ZMYM1: variants seen among roughly 807,000 people sequenced by gnomAD.
ZMYM1 encodes zinc finger MYM-type protein 1.
Under a neutral mutation model 60.0 loss-of-function variants are expected in ZMYM1, and 39 were observed. The ratio of observed to expected loss-of-function variants is 0.65; its 90% CI spans 0.50 to 0.85. The LOEUF is 0.85. ZMYM1 is among the 40% of genes least tolerant of loss of function. The pLI, the probability that ZMYM1 is intolerant of heterozygous loss-of-function variation, is 0.00. For missense variants in ZMYM1, 1,171 were observed against 1,309.5 expected, an observed-to-expected ratio of 0.89 and a Z score of 1.63; for synonymous variants, 413 against 454.0, an observed-to-expected ratio of 0.91 and a Z score of 1.15.
chr1:35,101,265 T>C (rs1389525315), intron 4 of ZMYM1, among the ~76,000 whole-genome samples: 4 of 151,412 alleles, frequency 2.6e-5, no homozygotes, highest in East Asian at 3.9e-4. Flanking sequence ...CCTATCACCA[T>C]GCCCCGTTAA....
intron 1 of ZMYM1, among the ~76,000 whole-genome samples, chr1:35,092,218 G>T (rs575504301): frequency 6.6e-6 from 1 of 150,756 alleles, no homozygotes; most frequent in African/African-American, 2.4e-5. Flanking sequence ...GAGCCACTGC[G>T]CCCGGCCAAA....
chr1:35,110,830 AG>A (rs1644063390), intron 7 of ZMYM1, among the ~76,000 whole-genome samples: 1 of 152,108 alleles, frequency 6.6e-6, no homozygotes, highest in Admixed American at 6.6e-5. Context: ...GCTACTTAGG[AG>A]GCTGAGACAG....
chr1:35,106,850 G>C (rs1643905743), intron 6 of ZMYM1, among the ~76,000 whole-genome samples: 1 of 150,774 alleles, frequency 6.6e-6, no homozygotes, highest in South Asian at 2.1e-4. Flanking sequence ...TGTTGTTGTT[G>C]TTGTTGTTGT....
At chr1:35,062,527 C>T (rs943542031) in intron 1 of ZMYM1, among the ~76,000 whole-genome samples, 4 of 152,170 alleles carry the variant, frequency 2.6e-5, no homozygotes, top group Non-Finnish European at 5.9e-5. Flanking sequence ...TTTGAATTCC[C>T]AGTAGTACAG....
chr1:35,064,692 T>A (rs1040707551), intron 1 of ZMYM1, among the ~76,000 whole-genome samples: 1 of 145,596 alleles, frequency 6.9e-6, no homozygotes, highest in East Asian at 2.0e-4. Flanking sequence ...ATTTCTTTTT[T>A]TTTTTTTTTT....
chr1:35,064,693 T>C (rs974419312), intron 1 of ZMYM1, among the ~76,000 whole-genome samples: 2 of 145,876 alleles, frequency 1.4e-5, no homozygotes, highest in African/African-American at 2.5e-5. Context: ...TTTCTTTTTT[T>C]TTTTTTTTTT....
chr1:35,115,914 A>T (rs1366162071), downstream of ZMYM1: 1 of 152,116 alleles, frequency 6.6e-6, no homozygotes, highest in Non-Finnish European at 1.5e-5. Flanking sequence ...ATCTCAGTAG[A>T]ATTTTGTATA....
In ZMYM1 at chr1:35,093,927, G is replaced by C; in HGVS notation, c.-61G>C. On this transcript the variant is annotated 5_prime_UTR_variant, in exon 2 of 10. Transcript: ENST00000359858. ...ATTTTATTTTAGGAATCTGGAAACT[G>C]TTCTTCAGGAAGAAACCCATTAGTT... 8.4e-7 allele frequency: 1 copy of C among 1,195,744 alleles called. No individual in the cohort carries two copies. Among genetic ancestry groups the C allele is most frequent in the Non-Finnish European group, 1.2e-6 (1 of 848,358 alleles). 74.1% of individuals were successfully genotyped at this position (1,195,744 alleles called of 1,614,324 possible). A position where few individuals can be genotyped will look rare whatever the true frequency, so the allele number is the denominator to read the frequency against.
chr1:35,090,734 G>A (rs1408125516), intron 1 of ZMYM1, among the ~76,000 whole-genome samples: 1 of 152,108 alleles, frequency 6.6e-6, no homozygotes, highest in Non-Finnish European at 1.5e-5. Flanking sequence ...ATCACCTGAG[G>A]TTGGGAGTTC....
At chr1:35,116,835 A>ATTTTTTTTTT (rs10671957), downstream of ZMYM1, among the ~76,000 whole-genome samples, 13 of 88,966 alleles carry the variant, frequency 1.5e-4, 2 homozygotes, top group African/African-American at 5.0e-4. Flanking sequence ...TAGGCCTGGA[A>ATTTTTTTTTT]TTTTTTTTTT....
intron 6 of ZMYM1, among the ~76,000 whole-genome samples, chr1:35,105,603 A>T (rs903343117): frequency 6.6e-6 from 1 of 151,708 alleles, no homozygotes; most frequent in Non-Finnish European, 1.5e-5. Context: ...CCAGCTATTT[A>T]TTTTTTTTAT....
Position 35,115,359 on chromosome 1 carries a change from T to G in ZMYM1, c.*100T>G, listed in dbSNP as rs1257739371. Reference sequence around the variant, plus strand: ...TCAAAAGACACAGAACGATAAACAGTGAAGTCTCCTTCCCTCCTTTAGAAC... The same window carrying G: ...TCAAAAGACACAGAACGATAAACAGGGAAGTCTCCTTCCCTCCTTTAGAAC... On this transcript the variant is annotated 3_prime_UTR_variant, in exon 10 of 10. Transcript: ENST00000359858. 9.0e-6 allele frequency: 12 copies of G among 1,326,070 alleles called. No homozygotes were observed. Among genetic ancestry groups the G allele is most frequent in the Middle Eastern group, 2.7e-4 (1 of 3,754 alleles). The allele number at this position is 1,326,070 out of a possible 1,614,324, so 82.1% of individuals were successfully genotyped here.
At chr1:35,070,539 G>A (rs1347381521) in intron 1 of ZMYM1, among the ~76,000 whole-genome samples, 1 of 152,062 alleles carries the variant, frequency 6.6e-6, no homozygotes, top group African/African-American at 2.4e-5. Context: ...AAAACATTAT[G>A]CTGTCTTCAA....
intron 7 of ZMYM1, among the ~76,000 whole-genome samples, chr1:35,110,901 TC>T (rs1451313518): frequency 6.6e-6 from 1 of 152,076 alleles, no homozygotes; most frequent in Non-Finnish European, 1.5e-5. Context: ...ACCATTGCAC[TC>T]CAGTCTGGGT....
chr1:35,113,372 A>G lies in ZMYM1; in HGVS notation c.1542A>G (p.Glu514=), dbSNP rs1374319340. ...CCCTGGAAAAATTCAGAAAGCATGAAAAAAGTGAAATGCATTTGAAGTCAT... is the reference window on the plus strand; with the variant it reads ...CCCTGGAAAAATTCAGAAAGCATGAGAAAAGTGAAATGCATTTGAAGTCAT... ...KKTLEKFRKH[E]KSEMHLKSLE... The change falls in exon 10 of 10, where the codon GAA becomes GAG. Residue 514 remains glutamate (E), a synonymous_variant. Transcript: ENST00000359858. 2 of 1,613,606 alleles carry G rather than the reference A, an allele frequency of 1.2e-6. No individual in the cohort carries two copies. The highest frequency in any genetic ancestry group is 1.7e-6 in the Non-Finnish European group (2 of 1,179,892).
At chr1:35,072,234 C>CA (rs1255069202) in intron 1 of ZMYM1, among the ~76,000 whole-genome samples, 2 of 152,168 alleles carry the variant, frequency 1.3e-5, no homozygotes, top group Non-Finnish European at 2.9e-5. Flanking sequence ...ATTACAGTTT[C>CA]AATTTCCTCA....
chr1:35,116,836 T>TTC (rs1644253732), downstream of ZMYM1, among the ~76,000 whole-genome samples: 1 of 5,606 alleles, frequency 1.8e-4, no homozygotes. Context: ...AGGCCTGGAA[T>TTC]TTTTTTTTTT....
chr1:35,071,050 A>AT (rs1642058906), intron 1 of ZMYM1, among the ~76,000 whole-genome samples: 1 of 151,788 alleles, frequency 6.6e-6, no homozygotes, highest in South Asian at 2.1e-4. Context: ...ACACCCAGCA[A>AT]TTTTTTTAAT....
At chr1:35,117,053 G>A (rs1410199198), downstream of ZMYM1, among the ~76,000 whole-genome samples, 4 of 147,608 alleles carry the variant, frequency 2.7e-5, no homozygotes, top group South Asian at 8.6e-4. Flanking sequence ...CCGTGGTCTC[G>A]ATCTCCTGAC....
Sources: gnomAD v4.1 joint callset for allele counts (sites outside exome capture counted in the v4.1 genomes callset) on GRCh38, gnomAD v4.1.1 for gene constraint, MANE v1.5 for transcripts, NCBI Gene and HGNC (gene_info 2026-07-23, HGNC 2026-07-21) for gene names.